Variants in ADAMTS6 observed in about 807,000 individuals in gnomAD.
ADAMTS6 encodes A disintegrin and metalloproteinase with thrombospondin motifs 6.
Under a neutral mutation model 144.3 loss-of-function variants are expected in ADAMTS6, and 23 were observed. That is an observed-to-expected ratio of 0.16 (90% CI 0.11 to 0.23). ADAMTS6 has a LOEUF of 0.23. ADAMTS6 is among the 10% of genes least tolerant of loss of function. ADAMTS6 has a pLI of 1.00. For synonymous variants in ADAMTS6, 444 were observed against 457.5 expected, an observed-to-expected ratio of 0.97 and a Z score of 0.38; for missense variants, 999 against 1,379.6, an observed-to-expected ratio of 0.72 and a Z score of 4.37.
At chr5:65,232,076 C>T (rs1262543717) in intron 15 of ADAMTS6, among the ~76,000 whole-genome samples, 2 of 151,978 alleles carry the variant, frequency 1.3e-5, no homozygotes, top group Non-Finnish European at 2.9e-5. Context: ...GCACCACTGC[C>T]CTCCAGCCTG....
intron 11 of ADAMTS6, among the ~76,000 whole-genome samples, chr5:65,285,674 A>G (rs750963314): frequency 5.3e-5 from 8 of 152,110 alleles, no homozygotes; most frequent in Non-Finnish European, 1.2e-4. Context: ...AAACAAGTAA[A>G]ATAGATAGTA....
At chr5:65,224,078 G>C (rs890197670) in intron 18 of ADAMTS6, among the ~76,000 whole-genome samples, 16 of 152,134 alleles carry the variant, frequency 1.1e-4, no homozygotes, top group African/African-American at 3.6e-4. Context: ...GGGATTACAG[G>C]TGTGAGCCAC....
chr5:65,259,080 G>C (rs1561341962), intron 14 of ADAMTS6, among the ~76,000 whole-genome samples: 1 of 152,074 alleles, frequency 6.6e-6, no homozygotes, highest in Non-Finnish European at 1.5e-5. Context: ...GAGCTGGCCG[G>C]GCATGATGGC....
intron 22 of ADAMTS6, among the ~76,000 whole-genome samples, chr5:65,175,976 A>T (rs1278940212): frequency 1.3e-5 from 2 of 152,222 alleles, no homozygotes; most frequent in Non-Finnish European, 2.9e-5. Flanking sequence ...AAGGTTTTCA[A>T]CAAAAGTAAA....
At chr5:65,267,743 C>A (rs1474130575) in intron 12 of ADAMTS6, among the ~76,000 whole-genome samples, 2 of 151,934 alleles carry the variant, frequency 1.3e-5, no homozygotes, top group Non-Finnish European at 2.9e-5. Context: ...TATGGTATAC[C>A]TTTTAATATC....
chr5:65,336,299 T>A (rs1258946258), intron 7 of ADAMTS6, among the ~76,000 whole-genome samples: 3 of 152,148 alleles, frequency 2.0e-5, no homozygotes, highest in Non-Finnish European at 2.9e-5. Context: ...CAGCTATGCC[T>A]GTCTCTGATG....
At chr5:65,232,084 C>A (rs1015106343) in intron 15 of ADAMTS6, among the ~76,000 whole-genome samples, 3 of 152,094 alleles carry the variant, frequency 2.0e-5, no homozygotes. Context: ...GCCCTCCAGC[C>A]TGGATGACTA....
rs188777503 is a variant in ADAMTS6 at position 65,368,189 on chromosome 5, G to A, written c.1074-34104C>T. On this transcript the variant is annotated intron_variant, in intron 7 of 24. Coordinates refer to ENST00000381055, the MANE Select transcript of ADAMTS6 (RefSeq NM_197941.4). ...ATTTCACATTTCCCTGTAGCAAGAT[G>A]GTTATCAGAAATCAATTTGTCTCTC... 3.6e-3 allele frequency among the ~76,000 whole-genome samples: 546 copies of A among 152,166 alleles called. 2 individuals carry two copies. The highest frequency in any genetic ancestry group is 0.014 in the Middle Eastern group (4 of 292).
chr5:65,259,600 G>A (rs1489466217), intron 14 of ADAMTS6, among the ~76,000 whole-genome samples: 2 of 152,214 alleles, frequency 1.3e-5, no homozygotes, highest in African/African-American at 4.8e-5. Flanking sequence ...AATGATCAAG[G>A]CAAAAACCTG....
chr5:65,320,682 A>G lies in ADAMTS6; in HGVS notation c.1223+8696T>C, dbSNP rs113172879. Among the ~76,000 whole-genome samples the G allele has an allele frequency of 3.4e-3, 516 of 152,036 alleles. 7 individuals are homozygous for G. Among genetic ancestry groups the G allele is most frequent in the African/African-American group, 0.012 (496 of 41,470 alleles). On this transcript the variant is annotated intron_variant, in intron 9 of 24. Coordinates refer to ENST00000381055, the MANE Select transcript of ADAMTS6 (RefSeq NM_197941.4). ...TACATCCAGGTTTAAAAAGCCTAGTACCCGTTAGTTGTCTTCCCACTCTCT... is the reference window on the plus strand; with the variant it reads ...TACATCCAGGTTTAAAAAGCCTAGTGCCCGTTAGTTGTCTTCCCACTCTCT...
chr5:65,391,777 C>T, intron 7 of ADAMTS6, among the ~76,000 whole-genome samples: 1 of 151,300 alleles, frequency 6.6e-6, no homozygotes, highest in Admixed American at 6.6e-5. Flanking sequence ...TACTGTGTCA[C>T]CCAGCTGGAA....
At chr5:65,360,146 G>A (rs1279294783) in intron 7 of ADAMTS6, among the ~76,000 whole-genome samples, 1 of 152,110 alleles carries the variant, frequency 6.6e-6, no homozygotes. Flanking sequence ...CATCTGTTTG[G>A]TTTCTGAGGA....
At chr5:65,276,420 C>CA (rs1762548626) in intron 11 of ADAMTS6, among the ~76,000 whole-genome samples, 1 of 152,106 alleles carries the variant, frequency 6.6e-6, no homozygotes, top group African/African-American at 2.4e-5. Context: ...ATAGATCTTG[C>CA]AATTTGAATC....
At chr5:65,416,766 C>A (rs1361905203) in intron 7 of ADAMTS6, among the ~76,000 whole-genome samples, 8 of 135,470 alleles carry the variant, frequency 5.9e-5, no homozygotes, top group Non-Finnish European at 6.4e-5. Context: ...AAAAAAAAAA[C>A]CAACAACAAC....
intron 7 of ADAMTS6, among the ~76,000 whole-genome samples, chr5:65,350,170 C>T (rs988778974): frequency 5.3e-5 from 8 of 152,152 alleles, no homozygotes; most frequent in Non-Finnish European, 7.3e-5. Flanking sequence ...GGATGTCACA[C>T]GTTCTATAGT....
intron 20 of ADAMTS6, among the ~76,000 whole-genome samples, chr5:65,212,780 G>A (rs577272255): frequency 2.0e-5 from 3 of 152,178 alleles, no homozygotes; most frequent in African/African-American, 7.2e-5. Context: ...ACCTTCTGTC[G>A]TATGCTAATA....
chr5:65,371,574 A>G (rs1326847521), intron 7 of ADAMTS6, among the ~76,000 whole-genome samples: 1 of 152,190 alleles, frequency 6.6e-6, no homozygotes, highest in Non-Finnish European at 1.5e-5. Flanking sequence ...TTAGAGAAAA[A>G]AGAATAAAAA....
chr5:65,253,349 C>T (rs1189619420), intron 14 of ADAMTS6, among the ~76,000 whole-genome samples: 1 of 152,138 alleles, frequency 6.6e-6, no homozygotes, highest in African/African-American at 2.4e-5. Flanking sequence ...TTAGAAAATT[C>T]TTCCAGGATC....
At position 65,170,672 on chromosome 5, in the gene ADAMTS6, T is replaced by G; in HGVS notation, c.3189A>C (p.Pro1063=). 2 of 1,614,166 alleles carry G rather than the reference T, an allele frequency of 1.2e-6. No homozygotes were observed. Among genetic ancestry groups the G allele is most frequent in the Non-Finnish European group, 1.7e-6 (2 of 1,180,026 alleles). Residue 1063 remains proline, a synonymous_variant, in exon 24 of 25, where the codon CCA becomes CCC. Transcript: ENST00000381055. ...SSDCLETVRP[P]SMQQCESKCD... ...ATTTGCTTTCACACTGCTGCATTGA[T>G]GGAGGCCGAACAGTTTCTAGACAGT...
Sources: gnomAD v4.1 joint callset for allele counts (sites outside exome capture counted in the v4.1 genomes callset) on GRCh38, gnomAD v4.1.1 for gene constraint, MANE v1.5 for transcripts, NCBI Gene and HGNC (gene_info 2026-07-23, HGNC 2026-07-21) for gene names.